Variants in CLRN1 observed in about 807,000 individuals in gnomAD.
The protein encoded by CLRN1 is clarin-1.
CLRN1 carries 15 observed loss-of-function variants against 18.7 expected under a neutral mutation model. The observed-to-expected ratio is 0.80, with a 90% CI of 0.54 to 1.23. The LOEUF (loss-of-function observed/expected upper bound fraction) is 1.23. Among genes scored for constraint, CLRN1 ranks in the 50% most tolerant of loss-of-function variants. The pLI, the probability that CLRN1 is intolerant of heterozygous loss-of-function variation, is 0.00. For missense variants in CLRN1, 311 were observed against 277.5 expected, an observed-to-expected ratio of 1.12 and a Z score of -0.86; for synonymous variants, 104 against 102.9, an observed-to-expected ratio of 1.01 and a Z score of -0.07.
At position 150,934,829 on chromosome 3, in the gene CLRN1, C is replaced by G. The variant is rs142838168; in HGVS notation, c.434-6628G>C. On this transcript the variant is annotated intron_variant, in intron 2 of 2. Coordinates refer to ENST00000327047, the MANE Select transcript of CLRN1 (RefSeq NM_174878.3). Reference sequence around the variant, plus strand: ...GTTCTCTCTCTCTCTTTCTCTTTCTCTCTCTCTGTCTCTCTCTTCCACTGT... The same window carrying G: ...GTTCTCTCTCTCTCTTTCTCTTTCTGTCTCTCTGTCTCTCTCTTCCACTGT... Among the ~76,000 whole-genome samples, 582 of 151,974 alleles carry G rather than the reference C, an allele frequency of 3.8e-3. 2 individuals carry two copies. The highest frequency in any genetic ancestry group is 0.01 in the Middle Eastern group (3 of 294).
chr3:150,972,319 CA>C (rs1328357676), intron 1 of CLRN1, 136 bp downstream of exon 1: 1 of 1,056,962 alleles, frequency 9.5e-7, no homozygotes, highest in Admixed American at 2.3e-5. Flanking sequence ...TGCTCAGAGT[CA>C]TAGGTTTTTC....
At chr3:150,956,239 A>G (rs1372273356) in intron 1 of CLRN1, among the ~76,000 whole-genome samples, 6 of 152,182 alleles carry the variant, frequency 3.9e-5, no homozygotes, top group Non-Finnish European at 7.3e-5. Context: ...TTCCCAGGAA[A>G]GGGATTACTT....
intron 2 of CLRN1, among the ~76,000 whole-genome samples, chr3:150,941,169 T>TATCTATCTATCA (rs1380974677): frequency 8.5e-6 from 1 of 117,096 alleles, no homozygotes; most frequent in Admixed American, 1.1e-4. Flanking sequence ...TCTATCTATC[T>TATCTATCTATCA]ATCTCTTTCA....
intron 2 of CLRN1, chr3:150,940,420 C>T (rs750102607): frequency 8.3e-6 from 12 of 1,443,862 alleles, no homozygotes; most frequent in South Asian, 2.5e-5. Flanking sequence ...GATCTATACA[C>T]GTTTGTGGTT....
At position 150,941,825 on chromosome 3, in the gene CLRN1, T is replaced by G. The variant is rs1392979288; in HGVS notation, c.254-64A>C. On this transcript the variant is annotated intron_variant, in intron 1 of 2. Transcript: ENST00000327047. The stretch of plus-strand genomic sequence containing the variant: ...TTAGCAGTAGTCTGCAAGTATAATT[T>G]TAAAAATCAAATCTCTCTTTTTTAA... 9.1e-5 allele frequency: 129 copies of G among 1,412,948 alleles called. 1 individual carries two copies. In the Middle Eastern group the frequency reaches 1.0e-3, roughly 11 times the overall value. 87.5% of individuals were successfully genotyped at this position (1,412,948 alleles called of 1,614,324 possible). A position where few individuals can be genotyped will look rare whatever the true frequency, so the allele number is the denominator to read the frequency against.
rs984909328 is a variant in CLRN1, at chr3:150,945,713, T to G, written c.254-3952A>C. 4.5e-6 allele frequency: 5 copies of G among 1,113,390 alleles called. No homozygotes were observed. The South Asian group carries it at 7.2e-5, about 16-fold the overall frequency. 69.0% of individuals were successfully genotyped at this position (1,113,390 alleles called of 1,614,324 possible). On this transcript the variant is annotated intron_variant, in intron 1 of 2. Coordinates refer to ENST00000327047, the MANE Select transcript of CLRN1 (RefSeq NM_174878.3). ...AATCAGAAAAATGCACATTAAAACT[T>G]TGAGATACCATTTTCAATACATCAT...
chr3:150,961,100 C>T lies in CLRN1; in HGVS notation c.253+11356G>A, dbSNP rs1001380185. On this transcript the variant is annotated intron_variant, in intron 1 of 2. Transcript: ENST00000327047. ...CATAAGACCTTCATGAAAATGGAAG[C>T]GAAAGATCCCAGCCTAATTTTGATC... Among the ~76,000 whole-genome samples the T allele has an allele frequency of 7.2e-5, 11 of 152,224 alleles. No homozygotes were observed. The East Asian group carries it at 1.2e-3, about 16-fold the overall frequency.
intron 2 of CLRN1, among the ~76,000 whole-genome samples, chr3:150,939,823 T>G (rs1173628484): frequency 1.3e-5 from 2 of 152,160 alleles, no homozygotes; most frequent in Non-Finnish European, 2.9e-5. Context: ...TCTCTTCTCA[T>G]CTGGACTTTC....
chr3:150,949,510 T>C (rs1185419092), intron 1 of CLRN1, among the ~76,000 whole-genome samples: 4 of 152,098 alleles, frequency 2.6e-5, no homozygotes, highest in Non-Finnish European at 5.9e-5. Context: ...TTCAGCAAAG[T>C]CTCAGGATAC....
chr3:150,940,888 A>G (rs1713781023), intron 2 of CLRN1, among the ~76,000 whole-genome samples: 1 of 152,190 alleles, frequency 6.6e-6, no homozygotes. Context: ...CCTTGCCCAG[A>G]TACACCTAGC....
intron 1 of CLRN1, among the ~76,000 whole-genome samples, chr3:150,960,145 C>A (rs1254656289): frequency 6.6e-6 from 1 of 152,158 alleles, no homozygotes; most frequent in Non-Finnish European, 1.5e-5. Context: ...TCTCAGTTTC[C>A]TTAACTATCA....
chr3:150,928,175 A>G lies in CLRN1; in HGVS notation c.460T>C (p.Leu154=), dbSNP rs1576623506. 1.9e-6 allele frequency: 3 copies of G among 1,614,062 alleles called. No homozygotes were observed. Among genetic ancestry groups the G allele is most frequent in the Middle Eastern group, 1.7e-4 (1 of 6,060 alleles). Residue 154 remains leucine (L), a synonymous_variant, in exon 3 of 3, where the codon TTG becomes CTG. Transcript: ENST00000327047. ...TGGATTTTCACTTCAGAGGCAAACA[A>G]TATCATGACAAGACAGCCACAGGAG... is the stretch of plus-strand genomic sequence containing the variant. The part of the protein sequence containing the change: ...SGSCGCLVMI[L]FASEVKIHHL...
chr3:150,965,551 G>T (rs2107986883), intron 1 of CLRN1, among the ~76,000 whole-genome samples: 2 of 152,270 alleles, frequency 1.3e-5, no homozygotes, highest in South Asian at 4.1e-4. Flanking sequence ...TGAGAAGTCT[G>T]AAAGTCCTTG....
chr3:150,944,042 T>G, intron 1 of CLRN1: 1 of 882,586 alleles, frequency 1.1e-6, no homozygotes, highest in Non-Finnish European at 1.8e-6. Context: ...GATGGAGAAA[T>G]AAAATAGGGT....
At chr3:150,941,830 A>G (rs922534466) in intron 1 of CLRN1, 69 bp from the exon 2 acceptor site, 2 of 1,355,654 alleles carry the variant, frequency 1.5e-6, no homozygotes, top group African/African-American at 2.9e-5. Flanking sequence ...TAATTTTAAA[A>G]ATCAAATCTC....
At chr3:150,959,659 G>A (rs1053089029) in intron 1 of CLRN1, among the ~76,000 whole-genome samples, 2 of 151,578 alleles carry the variant, frequency 1.3e-5, no homozygotes, top group African/African-American at 4.8e-5. Flanking sequence ...TTACTGGAGG[G>A]TAATAAGAAT....
intron 2 of CLRN1, among the ~76,000 whole-genome samples, chr3:150,941,134 G>GTATATCTATCTA (rs1553772512): frequency 7.6e-6 from 1 of 131,714 alleles, no homozygotes; most frequent in Non-Finnish European, 1.6e-5. Flanking sequence ...TTGTCTGTCT[G>GTATATCTATCTA]TCTGTCTATC....
chr3:150,958,572 A>G (rs62282743), intron 1 of CLRN1, among the ~76,000 whole-genome samples: 40,089 of 152,060 alleles, frequency 0.26, 6,568 homozygotes, highest in African/African-American at 0.45. Context: ...CTGTACTAGG[A>G]CCACAATAAG....
At chr3:150,939,248 C>T (rs1576630001) in intron 2 of CLRN1, among the ~76,000 whole-genome samples, 1 of 152,164 alleles carries the variant, frequency 6.6e-6, no homozygotes, top group African/African-American at 2.4e-5. Flanking sequence ...GTAGTTCTCC[C>T]TGGTGGCAGC....
Sources: gnomAD v4.1 joint callset for allele counts (sites outside exome capture counted in the v4.1 genomes callset) on GRCh38, gnomAD v4.1.1 for gene constraint, MANE v1.5 for transcripts, NCBI Gene and HGNC (gene_info 2026-07-23, HGNC 2026-07-21) for gene names.